PCDH15: variants seen among roughly 807,000 people sequenced by gnomAD.
PCDH15 encodes protocadherin related 15, also known as protocadherin-15.
In PCDH15, 129 loss-of-function variants were observed where a neutral mutation model predicts 178.5. The ratio of observed to expected loss-of-function variants is 0.72; its 90% CI spans 0.63 to 0.84. PCDH15 has a LOEUF of 0.84. Ranked by LOEUF, PCDH15 falls within the 40% of genes least tolerant of loss-of-function variation. PCDH15 has a pLI of 0.00. For missense variants in PCDH15, 2,230 were observed against 2,099.9 expected, an observed-to-expected ratio of 1.06 and a Z score of -1.21; for synonymous variants, 800 against 732.0, an observed-to-expected ratio of 1.09 and a Z score of -1.50.
chr10:54,885,026 G>T (rs1954330450), intron 3 of PCDH15, among the ~76,000 whole-genome samples: 1 of 151,716 alleles, frequency 6.6e-6, no homozygotes, highest in Non-Finnish European at 1.5e-5. Flanking sequence ...TGTTAATTTA[G>T]TCTCTTCTCT....
chr10:54,957,373 C>T (rs901129096), intron 2 of PCDH15, among the ~76,000 whole-genome samples: 1 of 151,470 alleles, frequency 6.6e-6, no homozygotes, highest in African/African-American at 2.4e-5. Flanking sequence ...ATTTGGAGAG[C>T]AAAATGCTTG....
At chr10:54,223,931 T>G (rs2053167222) in intron 9 of PCDH15, among the ~76,000 whole-genome samples, 1 of 152,198 alleles carries the variant, frequency 6.6e-6, no homozygotes, top group Non-Finnish European at 1.5e-5. Flanking sequence ...CACCTCTGTA[T>G]TTTTTACCCA....
chr10:55,474,687 C>T (rs1437957360), intron 2 of PCDH15, among the ~76,000 whole-genome samples: 3 of 152,256 alleles, frequency 2.0e-5, no homozygotes, highest in Non-Finnish European at 2.9e-5. Flanking sequence ...CCTTTCAAAT[C>T]GGCTGGGAAG....
chr10:54,124,651 G>C (rs932858836), intron 15 of PCDH15, among the ~76,000 whole-genome samples: 25 of 152,114 alleles, frequency 1.6e-4, no homozygotes, highest in Admixed American at 8.5e-4. Context: ...TGTAATACAC[G>C]TGACATTATA....
At chr10:53,888,296 A>ATG (rs370499638) in intron 26 of PCDH15, among the ~76,000 whole-genome samples, 4 of 39,732 alleles carry the variant, frequency 1.0e-4, no homozygotes, top group Admixed American at 4.1e-4. Context: ...ATATACATAT[A>ATG]TATATATATA....
intron 1 of PCDH15, among the ~76,000 whole-genome samples, chr10:54,665,976 T>A (rs1351712754): frequency 6.6e-6 from 1 of 152,100 alleles, no homozygotes; most frequent in African/African-American, 2.4e-5. Context: ...TTCAAGCTTT[T>A]CAGCTTACTA....
chr10:55,557,225 A>C (rs1183527487), intron 2 of PCDH15, among the ~76,000 whole-genome samples: 1 of 152,180 alleles, frequency 6.6e-6, no homozygotes, highest in Non-Finnish European at 1.5e-5. Context: ...TGAAACATTT[A>C]AGTTTATTGA....
rs367778522 is a variant in PCDH15 at position 54,208,952 on chromosome 10, G to A, written c.1098+4984C>T. 3.4e-4 allele frequency among the ~76,000 whole-genome samples: 52 copies of A among 151,774 alleles called. 4 individuals are homozygous for A. In the South Asian group the frequency reaches 9.1e-3, roughly 27 times the overall value. On this transcript the variant is annotated intron_variant, in intron 10 of 37. Transcript: ENST00000644397. ...ACCTCACCTTAAAGGAGTGCCAATC[G>A]TTTCCATCTCTTGTCTTTTTTTTTC...
In PCDH15 at chr10:54,239,033, T is replaced by C. The variant is rs936020937; in HGVS notation, c.877-2102A>G. ...TGCATCTCATAGTCAGAAAAATATT[T>C]TCCTAAACAATTTTTGCTATTATAA... On this transcript the variant is annotated intron_variant, in intron 8 of 37. Transcript: ENST00000644397. Among the ~76,000 whole-genome samples the C allele has an allele frequency of 3.9e-5, 6 of 152,260 alleles. No homozygotes were observed. The East Asian group carries it at 1.2e-3, about 29-fold the overall frequency.
At chr10:54,712,895 A>G (rs1284435544) in intron 1 of PCDH15, among the ~76,000 whole-genome samples, 14 of 152,104 alleles carry the variant, frequency 9.2e-5, no homozygotes, top group Non-Finnish European at 1.5e-5. Context: ...GAACTTCACT[A>G]TGCAGTAAAA....
Position 54,966,195 on chromosome 10 carries a change from T to A in PCDH15, c.-79-68695A>T, listed in dbSNP as rs190776262. On this transcript the variant is annotated intron_variant, in intron 2 of 5. Transcript: ENST00000458638. Reference sequence around the variant, plus strand: ...AAGCTGGATTACTAAGTAATTTTTTTAAAAAAATATTGTTTTCAGCATGGT... The same window carrying A: ...AAGCTGGATTACTAAGTAATTTTTTAAAAAAAATATTGTTTTCAGCATGGT... Among the ~76,000 whole-genome samples, 1,094 of 152,088 alleles carry A rather than the reference T, an allele frequency of 7.2e-3. 4 individuals are homozygous for A. The highest frequency in any genetic ancestry group is 0.019 in the African/African-American group (791 of 41,524).
chr10:53,805,170 A>G lies in PCDH15; in HGVS notation c.*1409T>C, dbSNP rs1410828169. ...ACGCGAAACATGTAAGAGGGGAATA[A>G]ATAATAGTGCATTATTCAGTCCTTC... is the stretch of plus-strand genomic sequence containing the variant. On this transcript the variant is annotated 3_prime_UTR_variant, in exon 38 of 38. Coordinates refer to ENST00000644397, the MANE Select transcript of PCDH15 (RefSeq NM_001384140.1). The G allele has an allele frequency of 6.6e-6, 1 of 152,046 alleles. No homozygotes were observed. Among genetic ancestry groups the G allele is most frequent in the African/African-American group, 2.4e-5 (1 of 41,430 alleles). 9.4% of individuals were successfully genotyped at this position (152,046 alleles called of 1,614,324 possible).
intron 3 of PCDH15, among the ~76,000 whole-genome samples, chr10:54,825,860 C>T (rs1286693865): frequency 1.3e-5 from 2 of 152,004 alleles, no homozygotes; most frequent in East Asian, 3.9e-4. Context: ...ATGTTATTAA[C>T]ACGATCCATA....
At chr10:54,388,401 A>G (rs1185115877) in intron 3 of PCDH15, among the ~76,000 whole-genome samples, 1 of 152,182 alleles carries the variant, frequency 6.6e-6, no homozygotes, top group African/African-American at 2.4e-5. Context: ...TAAGATAGGA[A>G]GAGAGATCAC....
intron 18 of PCDH15, among the ~76,000 whole-genome samples, chr10:54,034,927 A>C (rs2093381647): frequency 6.6e-6 from 1 of 151,904 alleles, no homozygotes; most frequent in Admixed American, 6.6e-5. Flanking sequence ...AGGGCCAGGT[A>C]CTTTATTAAC....
intron 2 of PCDH15, among the ~76,000 whole-genome samples, chr10:55,493,253 T>C (rs997465166): frequency 2.0e-5 from 3 of 151,286 alleles, no homozygotes; most frequent in Non-Finnish European, 4.4e-5. Context: ...AAAGTCATAT[T>C]GTTAAAAAAA....
chr10:54,137,447 G>C (rs541444634), intron 14 of PCDH15, among the ~76,000 whole-genome samples: 8 of 151,276 alleles, frequency 5.3e-5, no homozygotes, highest in Admixed American at 4.6e-4. Context: ...ACTTTTTTTT[G>C]ATAAACATAG....
intron 2 of PCDH15, among the ~76,000 whole-genome samples, chr10:55,575,177 C>T (rs561578715): frequency 6.6e-6 from 1 of 152,118 alleles, no homozygotes; most frequent in Non-Finnish European, 1.5e-5. Flanking sequence ...TGTAACTTCC[C>T]ACTTATTAAT....
chr10:54,570,382 T>A (rs1473731418), intron 2 of PCDH15, among the ~76,000 whole-genome samples: 2 of 152,178 alleles, frequency 1.3e-5, no homozygotes, highest in Non-Finnish European at 2.9e-5. Flanking sequence ...TATATTATAA[T>A]ATTTTCAAAA....
Sources: gnomAD v4.1 joint callset for allele counts (sites outside exome capture counted in the v4.1 genomes callset) on GRCh38, gnomAD v4.1.1 for gene constraint, MANE v1.5 for transcripts, NCBI Gene and HGNC (gene_info 2026-07-23, HGNC 2026-07-21) for gene names.